Variants in MPZL1 observed in about 807,000 individuals in gnomAD.
The protein encoded by MPZL1 is myelin protein zero like 1.
A neutral mutation model predicts 29.3 loss-of-function variants in MPZL1; 16 were observed. The observed-to-expected ratio is 0.55, with a 90% CI of 0.37 to 0.83. The LOEUF (loss-of-function observed/expected upper bound fraction) is 0.83. Among genes scored for constraint, MPZL1 ranks in the 40% least tolerant of loss-of-function variants. MPZL1 has a pLI of 0.00. For missense variants in MPZL1, 279 were observed against 332.9 expected (o/e 0.84, Z 1.26); for synonymous variants, 143 against 132.0 (o/e 1.08, Z -0.57).
At chr1:167,754,074 T>C (rs1342580837) in intron 1 of MPZL1, among the ~76,000 whole-genome samples, 1 of 152,140 alleles carries the variant, frequency 6.6e-6, no homozygotes, top group African/African-American at 2.4e-5. Flanking sequence ...CTCCGTTCGC[T>C]GCAACCTCTG....
chr1:167,764,182 T>C (rs1251565112), intron 1 of MPZL1, among the ~76,000 whole-genome samples: 1 of 152,198 alleles, frequency 6.6e-6, no homozygotes, highest in African/African-American at 2.4e-5. Context: ...TTGGGCCAAA[T>C]AAGTTTTTTT....
intron 1 of MPZL1, among the ~76,000 whole-genome samples, chr1:167,728,923 C>T (rs138550155): frequency 4.7e-4 from 71 of 152,192 alleles, no homozygotes; most frequent in African/African-American, 1.6e-3. Context: ...TACTGGGACC[C>T]TGATATTCTA....
At chr1:167,739,310 C>CATACTT (rs68082264) in intron 1 of MPZL1, among the ~76,000 whole-genome samples, 2 of 101,374 alleles carry the variant, frequency 2.0e-5, no homozygotes, top group Non-Finnish European at 3.7e-5. Flanking sequence ...TATATATATA[C>CATACTT]ACATATATAT....
chr1:167,767,275 C>T (rs1661133953), intron 2 of MPZL1, among the ~76,000 whole-genome samples: 1 of 152,184 alleles, frequency 6.6e-6, no homozygotes, highest in African/African-American at 2.4e-5. Context: ...CACTAATGTT[C>T]CCATAGAGGC....
At chr1:167,759,726 C>T (rs573363317) in intron 1 of MPZL1, among the ~76,000 whole-genome samples, 1 of 152,286 alleles carries the variant, frequency 6.6e-6, no homozygotes, top group South Asian at 2.1e-4. Flanking sequence ...CACAGTTGGC[C>T]ACTCTTCCCT....
chr1:167,732,980 C>A (rs1016697015), intron 1 of MPZL1, among the ~76,000 whole-genome samples: 8 of 152,126 alleles, frequency 5.3e-5, no homozygotes, highest in African/African-American at 1.9e-4. Flanking sequence ...CTCAGCCTGT[C>A]TTTTATTCAA....
At chr1:167,786,773 A>G (rs1385225423) in intron 5 of MPZL1, among the ~76,000 whole-genome samples, 1 of 152,204 alleles carries the variant, frequency 6.6e-6, no homozygotes, top group African/African-American at 2.4e-5. Context: ...TTGGCTATTG[A>G]GCTTATGATT....
chr1:167,776,202 T>A, intron 5 of MPZL1, 36 bp downstream of exon 5: 1 of 1,489,530 alleles, frequency 6.7e-7, no homozygotes, highest in Non-Finnish European at 9.3e-7. Context: ...ACTGCACTGT[T>A]CCCTACAGCT....
chr1:167,727,364 T>C (rs568089942), intron 1 of MPZL1, among the ~76,000 whole-genome samples: 1 of 152,332 alleles, frequency 6.6e-6, no homozygotes, highest in East Asian at 1.9e-4. Context: ...ATCTTTTATC[T>C]GAGAATTTGA....
chr1:167,732,862 C>T (rs924007314), intron 1 of MPZL1, among the ~76,000 whole-genome samples: 1 of 152,168 alleles, frequency 6.6e-6, no homozygotes, highest in Admixed American at 6.5e-5. Flanking sequence ...CCTGCCTTGG[C>T]CTCCCAAAGT....
At chr1:167,763,323 C>A (rs1417796856) in intron 1 of MPZL1, among the ~76,000 whole-genome samples, 1 of 151,984 alleles carries the variant, frequency 6.6e-6, no homozygotes, top group Non-Finnish European at 1.5e-5. Context: ...CGAGACCAGC[C>A]TGGGCAACAT....
At chr1:167,769,261 C>CT (rs976440258) in intron 2 of MPZL1, among the ~76,000 whole-genome samples, 3 of 152,066 alleles carry the variant, frequency 2.0e-5, no homozygotes, top group Non-Finnish European at 4.4e-5. Flanking sequence ...TTGTTCTGGA[C>CT]TTTTTTTATA....
At chr1:167,764,309 T>A (rs907328634) in intron 1 of MPZL1, among the ~76,000 whole-genome samples, 9 of 152,242 alleles carry the variant, frequency 5.9e-5, no homozygotes, top group Non-Finnish European at 1.5e-5. Flanking sequence ...TTCCTGCAGT[T>A]GCCTACTATT....
At chr1:167,739,291 A>ATATATATACATATATATATATATATC in intron 1 of MPZL1, among the ~76,000 whole-genome samples, 1 of 111,722 alleles carries the variant, frequency 9.0e-6, no homozygotes, top group African/African-American at 5.2e-5. Flanking sequence ...ACATATATAT[A>ATATATATACATATATATATATATATC]TATATATATA....
rs149937391 is a variant in MPZL1 at position 167,780,449 on chromosome 1, T to A, written c.708+4283T>A. ...TGAAGAGATATTTGTACATCCATGTTCATAGCAGTATTATTCACAAGAGCC... is the reference window on the plus strand; with the variant it reads ...TGAAGAGATATTTGTACATCCATGTACATAGCAGTATTATTCACAAGAGCC... On this transcript the variant is annotated intron_variant, in intron 5 of 5. Coordinates refer to ENST00000359523, the MANE Select transcript of MPZL1 (RefSeq NM_003953.6). Among the ~76,000 whole-genome samples, 567 of 152,302 alleles carry A rather than the reference T, an allele frequency of 3.7e-3. 6 individuals are homozygous for A. The highest frequency in any genetic ancestry group is 0.013 in the African/African-American group (540 of 41,564).
intron 1 of MPZL1, among the ~76,000 whole-genome samples, chr1:167,737,737 T>G (rs1013655177): frequency 2.0e-5 from 3 of 152,184 alleles, no homozygotes; most frequent in Admixed American, 6.5e-5. Context: ...ACCTCTTCAC[T>G]GGGCAGTGAT....
intron 1 of MPZL1, among the ~76,000 whole-genome samples, chr1:167,739,282 C>CACATATATATATATATATACATATATAT (rs1553254286): frequency 3.3e-5 from 3 of 90,416 alleles, no homozygotes; most frequent in African/African-American, 1.9e-4. Context: ...TACATATATA[C>CACATATATATATATATATACATATATAT]ATATATATAT....
chr1:167,776,235 G>A (rs942815649), intron 5 of MPZL1, 69 bp downstream of exon 5: 1 of 1,129,100 alleles, frequency 8.9e-7, no homozygotes, highest in African/African-American at 1.6e-5. Context: ...ACTTCCTTGG[G>A]TGTGGAAAAG....
intron 1 of MPZL1, among the ~76,000 whole-genome samples, chr1:167,731,685 G>A (rs1432610074): frequency 2.6e-5 from 4 of 151,452 alleles, no homozygotes; most frequent in East Asian, 2.0e-4. Flanking sequence ...TGATTCCCTC[G>A]CCTTGGCCTC....
Sources: gnomAD v4.1 joint callset for allele counts (sites outside exome capture counted in the v4.1 genomes callset) on GRCh38, gnomAD v4.1.1 for gene constraint, MANE v1.5 for transcripts, NCBI Gene and HGNC (gene_info 2026-07-23, HGNC 2026-07-21) for gene names.